Variants in RALYL observed in about 807,000 individuals in gnomAD.
RALYL encodes RNA-binding Raly-like protein.
In RALYL, 29 loss-of-function variants were observed where a neutral mutation model predicts 35.1. The observed-to-expected ratio is 0.83, with a 90% CI of 0.61 to 1.13. RALYL has a LOEUF of 1.13. Among genes scored for constraint, RALYL ranks in the 50% most tolerant of loss-of-function variants. The probability of loss-of-function intolerance (pLI) is 0.00; values close to 1 mark genes in which losing one functional copy is unlikely to be tolerated. For missense variants in RALYL, 359 were observed against 360.4 expected (o/e 1.00, Z 0.03); for synonymous variants, 120 against 127.6 (o/e 0.94, Z 0.40).
chr8:84,210,310 T>C (rs943307783), intron 1 of RALYL, among the ~76,000 whole-genome samples: 1 of 152,048 alleles, frequency 6.6e-6, no homozygotes, highest in Non-Finnish European at 1.5e-5. Flanking sequence ...AGCTGATAAA[T>C]CTTTAAATCC....
intron 1 of RALYL, among the ~76,000 whole-genome samples, chr8:84,453,240 C>G (rs10504803): frequency 6.6e-6 from 1 of 151,538 alleles, no homozygotes; most frequent in African/African-American, 2.4e-5. Flanking sequence ...ATAATTAGAG[C>G]TCTTGGCTAT....
In RALYL at chr8:84,838,687, C is replaced by T. The variant is rs542482993; in HGVS notation, c.366-11293C>T. On this transcript the variant is annotated intron_variant, in intron 4 of 8. Transcript: ENST00000521268. ...GTTCTTGTAAATACATCTTAGCAGTCAGGATTGAACAAAAAAAAGCAGGTT... is the reference window on the plus strand; with the variant it reads ...GTTCTTGTAAATACATCTTAGCAGTTAGGATTGAACAAAAAAAAGCAGGTT... 2.2e-4 allele frequency among the ~76,000 whole-genome samples: 34 copies of T among 152,166 alleles called. No individual in the cohort carries two copies. In the South Asian group the frequency reaches 2.5e-3, roughly 11 times the overall value.
At chr8:84,679,275 A>C in intron 2 of RALYL, 1 of 219,542 alleles carries the variant, frequency 4.6e-6, no homozygotes, top group Non-Finnish European at 9.3e-6. Flanking sequence ...AACAATTACC[A>C]TGATGCCAGT....
intron 1 of RALYL, among the ~76,000 whole-genome samples, chr8:84,231,080 A>G (rs763871100): frequency 6.6e-6 from 1 of 152,238 alleles, no homozygotes; most frequent in African/African-American, 2.4e-5. Context: ...AACAATTGCA[A>G]TGGAATCTTA....
chr8:84,200,056 TATG>T (rs1355454062), intron 1 of RALYL, among the ~76,000 whole-genome samples: 12 of 152,186 alleles, frequency 7.9e-5, no homozygotes, highest in Non-Finnish European at 1.8e-4. Context: ...TTATTACATT[TATG>T]ATAAGCAATT....
At chr8:84,225,700 T>C (rs1267103377) in intron 1 of RALYL, among the ~76,000 whole-genome samples, 1 of 152,218 alleles carries the variant, frequency 6.6e-6, no homozygotes, top group Non-Finnish European at 1.5e-5. Context: ...CAAACTTGTG[T>C]GACTGCCCCC....
intron 8 of RALYL, among the ~76,000 whole-genome samples, chr8:84,913,081 T>TAGATAGATAGAC (rs1847867423): frequency 6.6e-6 from 1 of 151,838 alleles, no homozygotes; most frequent in African/African-American, 2.4e-5. Context: ...GATAGATAGA[T>TAGATAGATAGAC]AGATAGATAC....
chr8:84,654,557 T>A (rs1564317226), intron 2 of RALYL, among the ~76,000 whole-genome samples: 1 of 151,774 alleles, frequency 6.6e-6, no homozygotes, highest in Non-Finnish European at 1.5e-5. Context: ...CTGTACCCAT[T>A]AATCATCCCC....
chr8:84,281,126 A>G lies in RALYL; in HGVS notation c.-24+96702A>G, dbSNP rs538195003. ...TATACAGAGGTTTTTCTTTGGCTTGACTCCTAGCTTGCTTTTTGATTTTGA... is the reference window on the plus strand; with the variant it reads ...TATACAGAGGTTTTTCTTTGGCTTGGCTCCTAGCTTGCTTTTTGATTTTGA... On this transcript the variant is annotated intron_variant, in intron 1 of 8. Transcript: ENST00000521268. Among the ~76,000 whole-genome samples the G allele has an allele frequency of 7.5e-4, 114 of 151,600 alleles. 4 individuals are homozygous for G. The South Asian group carries it at 0.022, about 29-fold the overall frequency.
chr8:84,326,940 G>A lies in RALYL; in HGVS notation c.-24+142516G>A, dbSNP rs550409974. On this transcript the variant is annotated intron_variant, in intron 1 of 8. Coordinates refer to ENST00000521268, the MANE Select transcript of RALYL (RefSeq NM_173848.7). ...TTGAAATAGGAAGTTCTATGAGGAAGGACTAAAGTGTTAATGGAGAATGGG... is the reference window on the plus strand; with the variant it reads ...TTGAAATAGGAAGTTCTATGAGGAAAGACTAAAGTGTTAATGGAGAATGGG... Among the ~76,000 whole-genome samples the A allele has an allele frequency of 9.9e-5, 15 of 151,534 alleles. No individual in the cohort carries two copies. In the South Asian group the frequency reaches 1.7e-3, roughly 17 times the overall value.
intron 1 of RALYL, among the ~76,000 whole-genome samples, chr8:84,405,419 A>G (rs2043369733): frequency 6.6e-6 from 1 of 152,300 alleles, no homozygotes; most frequent in East Asian, 1.9e-4. Flanking sequence ...TGAATCCAGG[A>G]GGTGTTTTTT....
intron 2 of RALYL, among the ~76,000 whole-genome samples, chr8:84,700,243 A>C (rs1839947278): frequency 6.6e-6 from 1 of 152,158 alleles, no homozygotes; most frequent in Admixed American, 6.6e-5. Context: ...GATGCAGTAA[A>C]AATAAAATCA....
chr8:84,564,687 G>T (rs979154261), intron 2 of RALYL, among the ~76,000 whole-genome samples: 1 of 151,514 alleles, frequency 6.6e-6, no homozygotes, highest in Admixed American at 6.6e-5. Flanking sequence ...AGACATAAAG[G>T]CTTCTAAAAT....
intron 1 of RALYL, among the ~76,000 whole-genome samples, chr8:84,525,692 C>T (rs985553246): frequency 6.6e-5 from 10 of 152,016 alleles, no homozygotes; most frequent in Non-Finnish European, 1.5e-5. Flanking sequence ...CTACATTTTA[C>T]ATATTCTCTA....
intron 5 of RALYL, among the ~76,000 whole-genome samples, chr8:84,850,570 T>G (rs747554691): frequency 6.6e-6 from 1 of 152,252 alleles, no homozygotes; most frequent in Non-Finnish European, 1.5e-5. Context: ...TAACAACTTT[T>G]ATTCTCTTCT....
intron 1 of RALYL, among the ~76,000 whole-genome samples, chr8:84,348,590 C>T (rs1850284227): frequency 6.6e-6 from 1 of 152,112 alleles, no homozygotes; most frequent in Non-Finnish European, 1.5e-5. Context: ...CAGGCAATTA[C>T]ACCACCAGGA....
At chr8:84,305,643 A>G (rs1235562394) in intron 1 of RALYL, among the ~76,000 whole-genome samples, 3 of 152,198 alleles carry the variant, frequency 2.0e-5, no homozygotes, top group East Asian at 3.9e-4. Flanking sequence ...CTTTTCATAT[A>G]GTTTATTTGA....
chr8:84,610,222 C>T (rs958948180), intron 2 of RALYL, among the ~76,000 whole-genome samples: 5 of 151,962 alleles, frequency 3.3e-5, no homozygotes, highest in African/African-American at 4.8e-5. Context: ...ATTTAGACTA[C>T]CATGTTATAC....
intron 1 of RALYL, among the ~76,000 whole-genome samples, chr8:84,527,704 A>G (rs1564089659): frequency 6.6e-6 from 1 of 152,156 alleles, no homozygotes; most frequent in Non-Finnish European, 1.5e-5. Flanking sequence ...AAAAATATAT[A>G]TCAACTTTTC....
Sources: gnomAD v4.1 joint callset for allele counts (sites outside exome capture counted in the v4.1 genomes callset) on GRCh38, gnomAD v4.1.1 for gene constraint, MANE v1.5 for transcripts, NCBI Gene and HGNC (gene_info 2026-07-23, HGNC 2026-07-21) for gene names.